The following SH2D3A variants were observed in gnomAD, a reference collection of about 807,000 sequenced individuals.
The protein encoded by SH2D3A is SH2 domain containing 3A.
In SH2D3A, 46 loss-of-function variants were observed where a neutral mutation model predicts 50.6. The ratio of observed to expected loss-of-function variants is 0.91; its 90% CI spans 0.72 to 1.16. SH2D3A has a LOEUF of 1.16. SH2D3A is among the 50% of genes most tolerant of loss of function. The pLI, the probability that SH2D3A is intolerant of heterozygous loss-of-function variation, is 0.00. For missense variants in SH2D3A, 783 were observed against 786.2 expected, an observed-to-expected ratio of 1.00 and a Z score of 0.05; for synonymous variants, 377 against 348.4, an observed-to-expected ratio of 1.08 and a Z score of -0.91.
chr19:6,759,558 A>G (rs759844239), intron 4 of SH2D3A, 36 bp downstream of exon 4: 99 of 1,600,556 alleles, frequency 6.2e-5, no homozygotes, highest in Non-Finnish European at 8.0e-5. Context: ...GGCAGAGCCA[A>G]TCCCTGAGCC....
Position 6,752,747 on chromosome 19 carries a change from C to G in SH2D3A, c.1577G>C (p.Arg526Pro), listed in dbSNP as rs746553675. 6.5e-7 allele frequency: 1 copy of G among 1,536,720 alleles called. No homozygotes were observed. Among genetic ancestry groups the G allele is most frequent in the East Asian group, 2.4e-5 (1 of 40,842 alleles). The change falls in exon 10 of 10, where the codon CGG becomes CCG. Residue 526 changes from arginine (R) to proline (P), a missense_variant. Physicochemically the swap from Arg to Pro is moderately radical, Grantham distance 103 (BLOSUM62 -2). Transcript: ENST00000245908. ...GGCCTCCCTCAGCTCCGGGTTAGGC[C>G]GGAATCCTGGAAGCAAGGTCAGGTG... ...KVAAQRLRGF[R>P]PNPELREALT... is the part of the protein sequence containing the mutation.
chr19:6,765,274 G>A (rs1970246877), intron 1 of SH2D3A, among the ~76,000 whole-genome samples: 1 of 152,088 alleles, frequency 6.6e-6, no homozygotes, highest in African/African-American at 2.4e-5. Flanking sequence ...ACCAGGAAAG[G>A]TCTCATTGAG....
intron 9 of SH2D3A, 38 bp downstream of exon 9, chr19:6,753,418 C>T: frequency 2.1e-6 from 3 of 1,443,326 alleles, no homozygotes; most frequent in South Asian, 2.9e-5. Context: ...CTGCAGGGTG[C>T]TCTGAAGTCT....
rs1244386322 is a variant in SH2D3A at position 6,754,583 on chromosome 19, T to A, written c.1097+33A>T. The A allele has an allele frequency of 3.7e-6, 6 of 1,612,222 alleles. No homozygotes were observed. In the African/African-American group the frequency reaches 6.7e-5, roughly 18 times the overall value. On this transcript the variant is annotated intron_variant, in intron 6 of 9. Transcript: ENST00000245908. ...TCTTGGGAAGTGGGGGGAATTGGCC[T>A]CCCCCAACCAAGATTACAAGCTGCT...
Position 6,755,349 on chromosome 19 carries a change from C to T in SH2D3A, c.497-34G>A, listed in dbSNP as rs1420500017. ...CATACAAGAGGGGTCAATGGGAATA[C>T]ACAGGGAAGATTGCTGAATGGGCGG... On this transcript the variant is annotated intron_variant, in intron 4 of 9. Transcript: ENST00000245908. The T allele has an allele frequency of 6.3e-6, 9 of 1,420,588 alleles. No individual in the cohort carries two copies. The Admixed American group carries it at 1.4e-4, about 23-fold the overall frequency. The allele number at this position is 1,420,588 out of a possible 1,614,324, so 88.0% of individuals were successfully genotyped here.
rs1182786313 is a variant in SH2D3A, at chr19:6,752,565, C to G, written c.*28G>C. 6.7e-7 allele frequency: 1 copy of G among 1,501,656 alleles called. No homozygotes were observed. The highest frequency in any genetic ancestry group is 1.4e-5 in the African/African-American group (1 of 72,230). The allele number at this position is 1,501,656 out of a possible 1,614,324, so 93.0% of individuals were successfully genotyped here. On this transcript the variant is annotated 3_prime_UTR_variant, in exon 10 of 10. Transcript: ENST00000245908. The stretch of plus-strand genomic sequence containing the variant: ...TGGGGTTCGCAAAAACCTGGGGGTC[C>G]CGGGTGTGAAGAAGGGTGTCTGCGC...
Position 6,763,811 on chromosome 19 carries a change from C to G in SH2D3A, c.-63G>C. 7.3e-7 allele frequency: 1 copy of G among 1,374,128 alleles called. No homozygotes were observed. Among genetic ancestry groups the G allele is most frequent in the Middle Eastern group, 1.8e-4 (1 of 5,454 alleles). The allele number at this position is 1,374,128 out of a possible 1,614,324, so 85.1% of individuals were successfully genotyped here. A position where few individuals can be genotyped will look rare whatever the true frequency, so the allele number is the denominator to read the frequency against. The stretch of plus-strand genomic sequence containing the variant: ...TGCACTTTCAACAGGCCTCAGTCTT[C>G]CACATCTGTAAAAGGGGAATAATTA... On this transcript the variant is annotated 5_prime_UTR_variant, in exon 2 of 10. Transcript: ENST00000245908.
intron 1 of SH2D3A, among the ~76,000 whole-genome samples, chr19:6,764,947 A>G (rs1970230992): frequency 7.2e-6 from 1 of 138,960 alleles, no homozygotes; most frequent in African/African-American, 2.8e-5. Flanking sequence ...GCATGATCTC[A>G]GTTCATTGCA....
Position 6,752,354 on chromosome 19 carries a change from G to T in SH2D3A, c.*239C>A, listed in dbSNP as rs960070604. ...GGCCGACACAGAGGTGAAGTCAACT[G>T]CTAGAAATCACGGCTTTTAAGAGGT... On this transcript the variant is annotated 3_prime_UTR_variant, in exon 10 of 10. Coordinates refer to ENST00000245908, the MANE Select transcript of SH2D3A (RefSeq NM_005490.3). 4 of 391,988 alleles carry T rather than the reference G, an allele frequency of 1.0e-5. No homozygotes were observed. The highest frequency in any genetic ancestry group is 2.1e-5 in the African/African-American group (1 of 48,584). 24.3% of individuals were successfully genotyped at this position (391,988 alleles called of 1,614,324 possible).
chr19:6,755,085 C>T lies in SH2D3A; in HGVS notation c.727G>A (p.Gly243Arg). The T allele has an allele frequency of 6.2e-7, 1 of 1,614,020 alleles. No individual in the cohort carries two copies. The highest frequency in any genetic ancestry group is 8.5e-7 in the Non-Finnish European group (1 of 1,179,984). The change falls in exon 5 of 10, where the codon GGA (glycine) becomes AGA (arginine). Residue 243 changes from glycine to arginine, a missense_variant. By Grantham distance (125) the Gly-to-Arg change is moderately radical (BLOSUM62 -2). Coordinates refer to ENST00000245908, the MANE Select transcript of SH2D3A (RefSeq NM_005490.3). ...GGGCAGCTTTGGCTCGGGGATGTTC[C>T]CTGGACACTGGGCACTCGGGGCACC... is the stretch of plus-strand genomic sequence containing the variant. ...ELVPRVPSVQ[G>R]TSPSQSCPEP... is the part of the protein sequence containing the mutation.
Position 6,755,143 on chromosome 19 carries a change from A to T in SH2D3A, c.669T>A (p.Asp223Glu), listed in dbSNP as rs1445554288. Reference protein sequence around the residue: ...PPRTPSFELPDASERPPTYCE... With the variant: ...PPRTPSFELPEASERPPTYCE... ...AGTACGTCGGGGGACGTTCAGAGGC[A>T]TCAGGCAGTTCGAAGGAGGGTGTCC... is the stretch of plus-strand genomic sequence containing the variant. Residue 223 changes from aspartate to glutamate, a missense_variant, in exon 5 of 10, where the codon GAT becomes GAA. Transcript: ENST00000245908. The T allele has an allele frequency of 8.1e-6, 13 of 1,612,250 alleles. No individual in the cohort carries two copies. Among genetic ancestry groups the T allele is most frequent in the Non-Finnish European group, 9.3e-6 (11 of 1,178,758 alleles).
chr19:6,753,810 G>A (rs1969474987), intron 8 of SH2D3A, among the ~76,000 whole-genome samples, 169 bp from the exon 9 acceptor site: 1 of 152,198 alleles, frequency 6.6e-6, no homozygotes, highest in Non-Finnish European at 1.5e-5. Context: ...CTATGGCGAA[G>A]GGGCGTAGCC....
At chr19:6,753,352 C>T (rs775039746) in intron 9 of SH2D3A, 104 bp downstream of exon 9, 443 of 1,398,716 alleles carry the variant, frequency 3.2e-4, no homozygotes, top group Non-Finnish European at 3.8e-4. Context: ...CTCCGGGAGG[C>T]GTGGCGAGAG....
rs1052546114 is a variant in SH2D3A at position 6,752,520 on chromosome 19, A to T, written c.*73T>A. 3.0e-6 allele frequency: 4 copies of T among 1,345,988 alleles called. No homozygotes were observed. Among genetic ancestry groups the T allele is most frequent in the Non-Finnish European group, 2.9e-6 (3 of 1,022,014 alleles). The allele number at this position is 1,345,988 out of a possible 1,614,324, so 83.4% of individuals were successfully genotyped here. A position where few individuals can be genotyped will look rare whatever the true frequency, so the allele number is the denominator to read the frequency against. ...CCACCTGAGGCGCGAGGAGCCTGGG[A>T]CGACTCCTTTGGTCTCTTCTGGGGT... On this transcript the variant is annotated 3_prime_UTR_variant, in exon 10 of 10. Transcript: ENST00000245908.
At position 6,753,503 on chromosome 19, in the gene SH2D3A, A is replaced by C; in HGVS notation, c.1523T>G (p.Val508Gly). The change falls in exon 9 of 10, where the codon GTC becomes GGC. Residue 508 changes from valine to glycine, a missense_variant. Val to Gly is a moderately radical substitution (Grantham distance 109). Transcript: ENST00000245908. ...CTTGCGGAATTTGGGTGCGTCCCGG[A>C]CCATGTGACGCGCCCCGTGCAGGGT... ...LRTLHGARHMVRDAPKFRKVA... is the reference protein window; with the variant it reads ...LRTLHGARHMGRDAPKFRKVA... 6.4e-7 allele frequency: 1 copy of C among 1,555,060 alleles called. No individual in the cohort carries two copies. The highest frequency in any genetic ancestry group is 8.7e-7 in the Non-Finnish European group (1 of 1,149,788).
intron 1 of SH2D3A, among the ~76,000 whole-genome samples, chr19:6,767,144 A>C (rs1478290058): frequency 6.6e-6 from 1 of 152,170 alleles, no homozygotes; most frequent in African/African-American, 2.4e-5. Flanking sequence ...TTCGCCGTTT[A>C]AGAGGATCAC....
Position 6,752,605 on chromosome 19 carries a change from CT to C in SH2D3A, c.1718del (p.Glu573GlyfsTer84). 1.9e-6 allele frequency: 3 copies of C among 1,557,618 alleles called. No homozygotes were observed. Among genetic ancestry groups the C allele is most frequent in the Non-Finnish European group, 1.7e-6 (2 of 1,149,802 alleles). ...RVLGVLSQRL[E>X]PDR ...GGTGTCTGCGCTCTCAGCGGTCAGGCTCCAGGCGCTGCGACAGGACGCCGAG... is the reference window on the plus strand; with the variant it reads ...GGTGTCTGCGCTCTCAGCGGTCAGGCCCAGGCGCTGCGACAGGACGCCGAG... On this transcript the variant is annotated frameshift_variant, in exon 10 of 10. Transcript: ENST00000245908. LOFTEE classifies it high-confidence loss of function.
rs1019980067 is a variant in SH2D3A at position 6,752,465 on chromosome 19, C to G, written c.*128G>C. 3.0e-5 allele frequency: 26 copies of G among 881,104 alleles called. No homozygotes were observed. In the East Asian group the frequency reaches 7.2e-4, roughly 25 times the overall value. The allele number at this position is 881,104 out of a possible 1,614,324, so 54.6% of individuals were successfully genotyped here. ...TCCAGGTGACCCTGACTGCGGTCCC[C>G]ACCTCTTCTGTGAGGCACAGGGCAG... On this transcript the variant is annotated 3_prime_UTR_variant, in exon 10 of 10. Transcript: ENST00000245908.
At chr19:6,761,469 G>A (rs1970016540) in intron 2 of SH2D3A, among the ~76,000 whole-genome samples, 1 of 152,192 alleles carries the variant, frequency 6.6e-6, no homozygotes, top group South Asian at 2.1e-4. Context: ...GATATCTTGG[G>A]AATGTTTGTT....
Sources: gnomAD v4.1 joint callset for allele counts (sites outside exome capture counted in the v4.1 genomes callset) on GRCh38, gnomAD v4.1.1 for gene constraint, MANE v1.5 for transcripts, NCBI Gene and HGNC (gene_info 2026-07-23, HGNC 2026-07-21) for gene names.